The following TASP1 variants were observed in gnomAD, a reference collection of about 807,000 sequenced individuals.
TASP1 encodes taspase 1.
TASP1 carries 16 observed loss-of-function variants against 56.6 expected under a neutral mutation model. The ratio of observed to expected loss-of-function variants is 0.28; its 90% CI spans 0.19 to 0.43. TASP1 has a LOEUF of 0.43. Among genes scored for constraint, TASP1 ranks in the 20% least tolerant of loss-of-function variants. The pLI is 1.00. For missense variants in TASP1, 393 were observed against 511.6 expected (o/e 0.77, Z 2.24); for synonymous variants, 179 against 184.2 (o/e 0.97, Z 0.23).
chr20:13,549,189 T>C (rs1314835564), intron 8 of TASP1, among the ~76,000 whole-genome samples: 1 of 152,112 alleles, frequency 6.6e-6, no homozygotes, highest in Non-Finnish European at 1.5e-5. Flanking sequence ...TGACCCTTTA[T>C]ACACTGTCTC....
chr20:13,478,238 T>C (rs1189337451), intron 11 of TASP1, among the ~76,000 whole-genome samples: 1 of 151,656 alleles, frequency 6.6e-6, no homozygotes, highest in Non-Finnish European at 1.5e-5. Flanking sequence ...TCAAGGAAAA[T>C]CATTACACAA....
At chr20:13,503,886 T>A (rs2044037883) in intron 10 of TASP1, among the ~76,000 whole-genome samples, 1 of 151,778 alleles carries the variant, frequency 6.6e-6, no homozygotes, top group Admixed American at 6.6e-5. Context: ...TTTGAAAGAA[T>A]CTGTGAACTC....
the TASP1 span, among the ~76,000 whole-genome samples, chr20:13,380,511 A>C: frequency 2.0e-4 from 30 of 152,156 alleles, no homozygotes; most frequent in African/African-American, 7.2e-4. Flanking sequence ...GGTGTCTGTC[A>C]ACCCCTGCTT....
At chr20:13,388,174 T>C (rs770341551), downstream of TASP1, among the ~76,000 whole-genome samples, 6 of 152,232 alleles carry the variant, frequency 3.9e-5, no homozygotes, top group Non-Finnish European at 5.9e-5. Context: ...TTCTTGGTGA[T>C]ATAAGCCAGA....
At chr20:13,528,670 C>A (rs1404565486) in intron 9 of TASP1, among the ~76,000 whole-genome samples, 159 bp from the exon 10 acceptor site, 1 of 152,146 alleles carries the variant, frequency 6.6e-6, no homozygotes, top group Non-Finnish European at 1.5e-5. Context: ...GCACACGATG[C>A]TTTTAATACT....
At chr20:13,460,789 C>A (rs2044025136) in intron 11 of TASP1, among the ~76,000 whole-genome samples, 1 of 152,106 alleles carries the variant, frequency 6.6e-6, no homozygotes, top group Non-Finnish European at 1.5e-5. Context: ...CCATCTACCT[C>A]CATTACCCTG....
rs375748017 is a variant in TASP1 at position 13,483,336 on chromosome 20, T to C, written c.876A>G (p.Gly292=). The change falls in exon 11 of 14, where the codon GGA becomes GGG. Residue 292 remains glycine (G), a splice_region_variant and synonymous_variant. Coordinates refer to ENST00000337743, the MANE Select transcript of TASP1 (RefSeq NM_017714.3). ...TGGTGCGCACAAGATGCTCTCCACATCCTAGAAATCCAAAGAAACCAACAG... is the reference window on the plus strand; with the variant it reads ...TGGTGCGCACAAGATGCTCTCCACACCCTAGAAATCCAAAGAAACCAACAG... The part of the protein sequence containing the change: ...NPYSTAVSTS[G]CGEHLVRTIL... 1.2e-5 allele frequency: 18 copies of C among 1,554,104 alleles called. No individual in the cohort carries two copies. Among genetic ancestry groups the C allele is most frequent in the African/African-American group, 2.8e-5 (2 of 72,558 alleles).
the TASP1 span, among the ~76,000 whole-genome samples, chr20:13,224,718 G>T: frequency 1.3e-5 from 2 of 151,916 alleles, no homozygotes; most frequent in Admixed American, 6.6e-5. Context: ...TCTTATTTAA[G>T]GATATATCAA....
At chr20:13,338,204 T>C in the TASP1 span, among the ~76,000 whole-genome samples, 1 of 152,204 alleles carries the variant, frequency 6.6e-6, no homozygotes, top group African/African-American at 2.4e-5. Context: ...AGGCAATTCC[T>C]GGAACTGAGG....
At chr20:13,415,742 C>T (rs567351758) in intron 13 of TASP1, among the ~76,000 whole-genome samples, 3 of 152,266 alleles carry the variant, frequency 2.0e-5, no homozygotes, top group Admixed American at 6.5e-5. Context: ...GTGTCTTTCA[C>T]GGGCCACCAG....
At chr20:13,428,661 T>C (rs980373298) in intron 12 of TASP1, among the ~76,000 whole-genome samples, 1 of 152,196 alleles carries the variant, frequency 6.6e-6, no homozygotes, top group African/African-American at 2.4e-5. Context: ...GGATGGGTGT[T>C]GCAAACATGT....
chr20:13,586,819 C>A (rs1221291688), intron 5 of TASP1, among the ~76,000 whole-genome samples: 1 of 151,690 alleles, frequency 6.6e-6, no homozygotes. Context: ...CAAATACAGG[C>A]ACAAAATAAA....
chr20:13,164,967 A>G, the TASP1 span: 2 of 1,056,358 alleles, frequency 1.9e-6, no homozygotes, highest in Non-Finnish European at 2.7e-6. Flanking sequence ...CCTCAGGACA[A>G]TTTTGGTTCC....
chr20:13,225,116 G>A, the TASP1 span, among the ~76,000 whole-genome samples: 1 of 151,498 alleles, frequency 6.6e-6, no homozygotes, highest in Non-Finnish European at 1.5e-5. Context: ...GCCTCCCAAA[G>A]TGCTGGGATT....
At chr20:13,465,984 A>G (rs1334627164) in intron 11 of TASP1, among the ~76,000 whole-genome samples, 1 of 152,162 alleles carries the variant, frequency 6.6e-6, no homozygotes, top group African/African-American at 2.4e-5. Flanking sequence ...ATACACATAC[A>G]CACATGCACA....
At chr20:13,469,792 CTTTTTTTTTTTTTTTTTT>C (rs546419566) in intron 11 of TASP1, among the ~76,000 whole-genome samples, 1,993 of 39,734 alleles carry the variant, frequency 0.05, 50 homozygotes, top group Non-Finnish European at 0.073. Flanking sequence ...AATAAATGTC[CTTTTTTTTTTTTTTTTTT>C]TTTTTTTTTT....
the TASP1 span, chr20:13,238,243 A>C: frequency 6.6e-6 from 1 of 152,176 alleles, no homozygotes; most frequent in Admixed American, 6.5e-5. Context: ...TCTACTGGAC[A>C]TGGTGACTTT....
the TASP1 span, among the ~76,000 whole-genome samples, chr20:13,332,524 A>C: frequency 6.6e-6 from 1 of 152,212 alleles, no homozygotes; most frequent in Non-Finnish European, 1.5e-5. Context: ...AAATTAAAAA[A>C]TTTGGATCTA....
At chr20:13,577,094 G>A (rs2046951885) in intron 6 of TASP1, among the ~76,000 whole-genome samples, 1 of 152,124 alleles carries the variant, frequency 6.6e-6, no homozygotes, top group Non-Finnish European at 1.5e-5. Flanking sequence ...CAGGGTTATT[G>A]TTACCTAGGG....
Sources: gnomAD v4.1 joint callset for allele counts (sites outside exome capture counted in the v4.1 genomes callset) on GRCh38, gnomAD v4.1.1 for gene constraint, MANE v1.5 for transcripts, NCBI Gene and HGNC (gene_info 2026-07-23, HGNC 2026-07-21) for gene names.